AGBL4: variants seen among roughly 807,000 people sequenced by gnomAD.
AGBL4 encodes the protein AGBL carboxypeptidase 4.
AGBL4 carries 58 observed loss-of-function variants against 66.4 expected under a neutral mutation model. That is an observed-to-expected ratio of 0.87 (90% CI 0.71 to 1.09). AGBL4 has a LOEUF of 1.09. AGBL4 is among the 50% of genes least tolerant of loss of function. The pLI is 0.00. For synonymous variants in AGBL4, 234 were observed against 222.9 expected (o/e 1.05, Z -0.44); for missense variants, 579 against 631.0 (o/e 0.92, Z 0.88).
chr1:49,082,656 G>A (rs1412931622), intron 4 of AGBL4, among the ~76,000 whole-genome samples: 1 of 152,072 alleles, frequency 6.6e-6, no homozygotes, highest in African/African-American at 2.4e-5. Flanking sequence ...ATTTGGGTGG[G>A]GACAGAGCCA....
chr1:49,878,517 C>A (rs1246139222), intron 1 of AGBL4, among the ~76,000 whole-genome samples: 1 of 152,092 alleles, frequency 6.6e-6, no homozygotes, highest in Non-Finnish European at 1.5e-5. Flanking sequence ...GCACTGTGGT[C>A]TGAGAGATAG....
chr1:49,430,246 G>A (rs1645756999), intron 3 of AGBL4, among the ~76,000 whole-genome samples: 2 of 152,058 alleles, frequency 1.3e-5, no homozygotes, highest in African/African-American at 2.4e-5. Context: ...CTGTGTAATT[G>A]CTATCTTTCA....
intron 5 of AGBL4, among the ~76,000 whole-genome samples, chr1:48,911,619 CAAA>C (rs746193402): frequency 3.0e-3 from 212 of 70,274 alleles, no homozygotes; most frequent in African/African-American, 9.9e-3. Context: ...AACTCCGTCT[CAAA>C]AAAAAAAAAA....
chr1:49,038,650 A>AC (rs1664857330), intron 5 of AGBL4, among the ~76,000 whole-genome samples: 1 of 152,112 alleles, frequency 6.6e-6, no homozygotes, highest in Non-Finnish European at 1.5e-5. Context: ...CAACAATGAG[A>AC]TACAGTACAC....
chr1:49,123,584 G>C (rs1046490425), intron 4 of AGBL4, among the ~76,000 whole-genome samples: 9 of 152,312 alleles, frequency 5.9e-5, no homozygotes, highest in African/African-American at 1.9e-4. Context: ...TTGAGAGCTG[G>C]TATAAGAAAT....
At chr1:48,588,846 A>AGAAGAGAAGAGAAGAGAAGG (rs1644869185) in intron 10 of AGBL4, among the ~76,000 whole-genome samples, 1 of 139,412 alleles carries the variant, frequency 7.2e-6, no homozygotes, top group African/African-American at 2.5e-5. Context: ...AGAAGAGAAG[A>AGAAGAGAAGAGAAGAGAAGG]GAAGAGAAGA....
chr1:49,770,960 C>T (rs1644040154), intron 2 of AGBL4, among the ~76,000 whole-genome samples: 1 of 151,996 alleles, frequency 6.6e-6, no homozygotes, highest in South Asian at 2.1e-4. Flanking sequence ...AAAACCAACT[C>T]TTCATTTCAT....
At chr1:49,602,082 C>G (rs546539549) in intron 3 of AGBL4, among the ~76,000 whole-genome samples, 9 of 152,070 alleles carry the variant, frequency 5.9e-5, no homozygotes, top group Non-Finnish European at 8.8e-5. Context: ...ATGTGGCCAA[C>G]AAACATATGA....
chr1:49,521,526 A>T (rs1432326459), intron 3 of AGBL4, among the ~76,000 whole-genome samples: 6 of 152,064 alleles, frequency 3.9e-5, no homozygotes, highest in African/African-American at 1.4e-4. Flanking sequence ...CTTCAAAAAA[A>T]TCAACAAAAA....
At chr1:50,004,113 T>A (rs142822031) in intron 1 of AGBL4, among the ~76,000 whole-genome samples, 1 of 152,174 alleles carries the variant, frequency 6.6e-6, no homozygotes, top group Non-Finnish European at 1.5e-5. Flanking sequence ...AGAAAAAGAA[T>A]CTTTGCGCAC....
At chr1:49,610,016 G>C (rs961384772) in intron 3 of AGBL4, among the ~76,000 whole-genome samples, 4 of 152,172 alleles carry the variant, frequency 2.6e-5, no homozygotes, top group African/African-American at 9.6e-5. Flanking sequence ...GGCATTTAGA[G>C]TGAAACAACT....
intron 11 of AGBL4, among the ~76,000 whole-genome samples, chr1:48,543,911 G>A (rs1030565496): frequency 6.6e-6 from 1 of 152,132 alleles, no homozygotes; most frequent in Non-Finnish European, 1.5e-5. Context: ...TTTGTCCAAG[G>A]CCACATAACT....
chr1:48,769,623 A>C (rs961821096), intron 6 of AGBL4, among the ~76,000 whole-genome samples: 2 of 151,160 alleles, frequency 1.3e-5, no homozygotes, highest in African/African-American at 4.9e-5. Context: ...CCTCTAAGTC[A>C]TTCCTTTCCA....
intron 3 of AGBL4, among the ~76,000 whole-genome samples, chr1:49,285,924 C>G (rs180890916): frequency 3.5e-4 from 54 of 152,222 alleles, no homozygotes; most frequent in Admixed American, 2.6e-3. Flanking sequence ...GAGAATTTTA[C>G]ACCAATATCC....
intron 3 of AGBL4, among the ~76,000 whole-genome samples, chr1:49,468,170 G>A (rs1314184975): frequency 2.6e-5 from 4 of 151,826 alleles, no homozygotes; most frequent in African/African-American, 9.7e-5. Flanking sequence ...TGTGGGACTT[G>A]AGTATGTAAG....
chr1:49,300,857 C>G (rs1644732307), intron 3 of AGBL4, among the ~76,000 whole-genome samples: 1 of 152,192 alleles, frequency 6.6e-6, no homozygotes, highest in Non-Finnish European at 1.5e-5. Context: ...ATCCTCATAA[C>G]TTCACTTTGG....
In AGBL4 at chr1:49,505,922, C is replaced by T. The variant is rs541501558; in HGVS notation, c.282+191391G>A. 7.9e-5 allele frequency among the ~76,000 whole-genome samples: 12 copies of T among 151,198 alleles called. No individual in the cohort carries two copies. In the South Asian group the frequency reaches 1.9e-3, roughly 24 times the overall value. On this transcript the variant is annotated intron_variant, in intron 3 of 13. Coordinates refer to ENST00000371839, the MANE Select transcript of AGBL4 (RefSeq NM_032785.4). ...GTAAACTTTCCTTTTTCTTTTTTCT[C>T]CTCTATATATTTTCAAATAATCTGT...
chr1:48,528,330 G>C (rs1456736701), downstream of AGBL4, among the ~76,000 whole-genome samples: 1 of 152,140 alleles, frequency 6.6e-6, no homozygotes, highest in African/African-American at 2.4e-5. Flanking sequence ...TGAGCAATTA[G>C]ATGGAAAAAG....
Position 48,720,841 on chromosome 1 carries a change from G to A in AGBL4, c.635-57600C>T, listed in dbSNP as rs1268544271. The stretch of plus-strand genomic sequence containing the variant: ...AAGGTACAGGGAAGACTGGGGCTGG[G>A]AATGAAGGATGGAAGAAGATTTGGA... On this transcript the variant is annotated intron_variant, in intron 6 of 13. Transcript: ENST00000371839. Among the ~76,000 whole-genome samples, 6 of 151,996 alleles carry A rather than the reference G, an allele frequency of 3.9e-5. No individual in the cohort carries two copies. The South Asian group carries it at 1.0e-3, about 26-fold the overall frequency.
Sources: allele counts gnomAD v4.1 joint callset (sites outside exome capture counted in the v4.1 genomes callset), GRCh38; gene constraint gnomAD v4.1.1; transcripts MANE v1.5; gene names NCBI Gene and HGNC (gene_info 2026-07-23, HGNC 2026-07-21).